SHC4: variants seen among roughly 807,000 people sequenced by gnomAD.
The protein encoded by SHC4 is SHC-transforming protein 4.
Under a neutral mutation model 69.4 loss-of-function variants are expected in SHC4, and 41 were observed. That is an observed-to-expected ratio of 0.59 (90% confidence interval 0.46 to 0.77). SHC4 has a LOEUF of 0.77. Among genes scored for constraint, SHC4 ranks in the 30% least tolerant of loss-of-function variants. SHC4 has a pLI of 0.00. For synonymous variants in SHC4, 318 were observed against 299.3 expected (o/e 1.06, Z -0.64); for missense variants, 777 against 783.8 (o/e 0.99, Z 0.10).
intron 2 of SHC4, among the ~76,000 whole-genome samples, chr15:48,913,560 T>C (rs1375241675): frequency 6.6e-6 from 1 of 152,128 alleles, no homozygotes; most frequent in Non-Finnish European, 1.5e-5. Context: ...CTTGGTTCTT[T>C]CCCTACATGT....
intron 11 of SHC4, among the ~76,000 whole-genome samples, chr15:48,830,871 C>G (rs1315992949): frequency 6.6e-6 from 1 of 152,116 alleles, no homozygotes; most frequent in Non-Finnish European, 1.5e-5. Context: ...AGGAGATATT[C>G]TAGAATAAGG....
At chr15:48,871,843 G>A (rs989991394) in intron 5 of SHC4, among the ~76,000 whole-genome samples, 2 of 152,100 alleles carry the variant, frequency 1.3e-5, no homozygotes, top group African/African-American at 4.8e-5. Context: ...TAACACAATG[G>A]AGCACTACTA....
intron 8 of SHC4, among the ~76,000 whole-genome samples, chr15:48,852,935 T>TAAAA (rs1190091197): frequency 2.0e-5 from 3 of 146,878 alleles, no homozygotes; most frequent in Non-Finnish European, 3.0e-5. Flanking sequence ...AATAAATAAA[T>TAAAA]AAATAAATAA....
At chr15:48,928,600 G>A (rs994080758) in intron 1 of SHC4, among the ~76,000 whole-genome samples, 1 of 152,104 alleles carries the variant, frequency 6.6e-6, no homozygotes, top group Non-Finnish European at 1.5e-5. Flanking sequence ...ATGAGGAGAG[G>A]AATTTTTAGT....
chr15:48,955,577 A>G (rs1901439841), intron 1 of SHC4, among the ~76,000 whole-genome samples: 1 of 152,196 alleles, frequency 6.6e-6, no homozygotes, highest in Non-Finnish European at 1.5e-5. Flanking sequence ...CCCAACATGG[A>G]CACACTGCCA....
At chr15:48,944,548 G>A (rs576114743) in intron 1 of SHC4, among the ~76,000 whole-genome samples, 5 of 152,282 alleles carry the variant, frequency 3.3e-5, no homozygotes, top group African/African-American at 9.6e-5. Context: ...ATGTGTTAAG[G>A]ATGGCCAAAC....
intron 11 of SHC4, among the ~76,000 whole-genome samples, chr15:48,826,416 T>C (rs1356747111): frequency 4.6e-5 from 7 of 151,844 alleles, no homozygotes; most frequent in Admixed American, 4.6e-4. Context: ...GCCTGGCTAA[T>C]TTTTTTTATT....
At chr15:48,921,009 A>G (rs890523478) in intron 2 of SHC4, among the ~76,000 whole-genome samples, 1 of 151,960 alleles carries the variant, frequency 6.6e-6, no homozygotes, top group East Asian at 1.9e-4. Context: ...AGGCAGAGGA[A>G]GAGAAGAGAA....
intron 6 of SHC4, among the ~76,000 whole-genome samples, chr15:48,862,250 C>T (rs911908082): frequency 1.3e-5 from 2 of 151,284 alleles, no homozygotes; most frequent in Non-Finnish European, 2.9e-5. Context: ...TTCCTATATC[C>T]AGGTAGTCCA....
intron 11 of SHC4, among the ~76,000 whole-genome samples, chr15:48,828,337 CT>C (rs1223262202): frequency 6.6e-6 from 1 of 152,084 alleles, no homozygotes; most frequent in Non-Finnish European, 1.5e-5. Flanking sequence ...GGATTTCCCT[CT>C]TTTCTATGGT....
intron 2 of SHC4, among the ~76,000 whole-genome samples, chr15:48,896,628 C>T (rs1402429683): frequency 6.6e-6 from 1 of 152,102 alleles, no homozygotes; most frequent in Non-Finnish European, 1.5e-5. Flanking sequence ...CCTGTACAAA[C>T]TTTTCTATTC....
chr15:48,841,283 T>C (rs1025486152), intron 10 of SHC4, among the ~76,000 whole-genome samples: 8 of 152,214 alleles, frequency 5.3e-5, no homozygotes, highest in Non-Finnish European at 1.0e-4. Context: ...AGGGTTTTTT[T>C]CCAAAAAGTT....
chr15:48,891,137 C>A (rs966566374), intron 2 of SHC4, among the ~76,000 whole-genome samples: 5 of 152,178 alleles, frequency 3.3e-5, no homozygotes, highest in Non-Finnish European at 7.3e-5. Context: ...AGGGCATTGT[C>A]ATCTGGAAAT....
chr15:48,842,829 G>A lies in SHC4; in HGVS notation c.1483+580C>T, dbSNP rs1899017202. Among the ~76,000 whole-genome samples, 4 of 152,144 alleles carry A rather than the reference G, an allele frequency of 2.6e-5. No individual in the cohort carries two copies. The South Asian group carries it at 8.3e-4, about 32-fold the overall frequency. ...GCCTGTAGTCCCAGCTGCTCAGGAG[G>A]CTGAGATGAGAGGATCGCTTGAGCC... On this transcript the variant is annotated intron_variant, in intron 10 of 11. Transcript: ENST00000332408.
At position 48,857,775 on chromosome 15, in the gene SHC4, G is replaced by A. The variant is rs1434576579; in HGVS notation, c.987C>T (p.Asp329=). ...AAGCCTGCCCTATGGTACTTATGAC[G>A]TCTTGGGCCATTCCATTGTGGCATT... ...ILECHNGMAQ[D]VISTIGQAFE... Residue 329 remains aspartate (D), a synonymous_variant, in exon 7 of 12, where the codon GAC becomes GAT. Coordinates refer to ENST00000332408, the MANE Select transcript of SHC4 (RefSeq NM_203349.4). 5.0e-6 allele frequency: 8 copies of A among 1,594,678 alleles called. No individual in the cohort carries two copies. The Admixed American group carries it at 5.1e-5, about 10-fold the overall frequency.
At chr15:48,933,102 T>C (rs909550706) in intron 1 of SHC4, among the ~76,000 whole-genome samples, 2 of 152,066 alleles carry the variant, frequency 1.3e-5, no homozygotes, top group Non-Finnish European at 1.5e-5. Context: ...AAACTAGATA[T>C]AAGAAAGTAG....
intron 2 of SHC4, among the ~76,000 whole-genome samples, chr15:48,896,610 G>A (rs970603411): frequency 6.6e-6 from 1 of 152,046 alleles, no homozygotes; most frequent in African/African-American, 2.4e-5. Flanking sequence ...ATGAGCCACC[G>A]CGCCCAGCCT....
At chr15:48,913,151 G>A (rs1013147238) in intron 2 of SHC4, among the ~76,000 whole-genome samples, 6 of 151,576 alleles carry the variant, frequency 4.0e-5, no homozygotes, top group Admixed American at 3.3e-4. Context: ...TGGGGTCCTA[G>A]AACTCCCAAG....
intron 1 of SHC4, among the ~76,000 whole-genome samples, chr15:48,943,452 A>G (rs8029105): frequency 0.036 from 5,556 of 152,254 alleles, 337 homozygotes; most frequent in African/African-American, 0.13. Flanking sequence ...TTTAAGGCTG[A>G]ATAATATTTC....
Sources: gnomAD v4.1 joint callset for allele counts (sites outside exome capture counted in the v4.1 genomes callset) on GRCh38, gnomAD v4.1.1 for gene constraint, MANE v1.5 for transcripts, NCBI Gene and HGNC (gene_info 2026-07-23, HGNC 2026-07-21) for gene names.